GAS2: variants seen among roughly 807,000 people sequenced by gnomAD.
GAS2 encodes the protein growth arrest-specific protein 2.
GAS2 carries 20 observed loss-of-function variants against 37.5 expected under a neutral mutation model. That is an observed-to-expected ratio of 0.53 (90% CI 0.37 to 0.77). The LOEUF (loss-of-function observed/expected upper bound fraction) is 0.77, where lower values mean the gene tolerates loss of function less well. Ranked by LOEUF, GAS2 falls within the 30% of genes least tolerant of loss-of-function variation. GAS2 has a pLI of 0.00. For synonymous variants in GAS2, 144 were observed against 132.2 expected (o/e 1.09, Z -0.61); for missense variants, 336 against 373.4 (o/e 0.90, Z 0.82).
intron 2 of GAS2, among the ~76,000 whole-genome samples, chr11:22,680,557 A>C (rs1849631548): frequency 6.6e-6 from 1 of 152,170 alleles, no homozygotes. Context: ...TAGTATCTGG[A>C]TCATCTTTAG....
At chr11:22,712,573 TC>T (rs1851460333) in intron 3 of GAS2, among the ~76,000 whole-genome samples, 1 of 152,142 alleles carries the variant, frequency 6.6e-6, no homozygotes, top group Non-Finnish European at 1.5e-5. Flanking sequence ...TCCAGATATT[TC>T]CAATGAAACA....
intron 1 of GAS2, among the ~76,000 whole-genome samples, chr11:22,673,848 G>C (rs1849302793): frequency 6.6e-6 from 1 of 152,168 alleles, no homozygotes; most frequent in East Asian, 1.9e-4. Flanking sequence ...CTCACAATAT[G>C]ATCAGGTTAA....
Position 22,758,923 on chromosome 11 carries a change from A to AAAAAAAAAAAAG in GAS2, c.723+2974_723+2975insAAAAAAAGAAAA, listed in dbSNP as rs1392315841. 2.7e-4 allele frequency among the ~76,000 whole-genome samples: 41 copies of AAAAAAAAAAAAG among 150,804 alleles called. 1 individual carries two copies. In the East Asian group the frequency reaches 7.6e-3, roughly 28 times the overall value. ...AGCAAAACTCCGTCTCAAAAAAAAA[A>AAAAAAAAAAAAG]AAAAGAGAAAGTCATAGATACAAGA... On this transcript the variant is annotated intron_variant, in intron 7 of 7. Coordinates refer to ENST00000454584, the MANE Select transcript of GAS2 (RefSeq NM_001143830.3).
At chr11:22,638,493 T>G (rs2133814425) in intron 1 of GAS2, among the ~76,000 whole-genome samples, 1 of 151,896 alleles carries the variant, frequency 6.6e-6, no homozygotes, top group East Asian at 1.9e-4. Context: ...TTACAGGCAC[T>G]TGGCACCACA....
chr11:22,813,042 T>A (rs1857258358), downstream of GAS2: 1 of 152,604 alleles, frequency 6.6e-6, no homozygotes. Flanking sequence ...ATCAAGTTAA[T>A]TTTCAAATGG....
intron 7 of GAS2, among the ~76,000 whole-genome samples, chr11:22,764,506 G>T (rs1200616327): frequency 2.0e-5 from 3 of 149,064 alleles, no homozygotes; most frequent in African/African-American, 7.4e-5. Flanking sequence ...CTTGCAGTGA[G>T]TGGGGAGATC....
At chr11:22,754,568 G>A (rs900036271) in intron 6 of GAS2, among the ~76,000 whole-genome samples, 1 of 151,538 alleles carries the variant, frequency 6.6e-6, no homozygotes, top group African/African-American at 2.4e-5. Context: ...TTGTACATGC[G>A]ATAAATTTAT....
At chr11:22,785,125 G>A (rs1175613414) in intron 7 of GAS2, among the ~76,000 whole-genome samples, 1 of 152,074 alleles carries the variant, frequency 6.6e-6, no homozygotes, top group East Asian at 1.9e-4. Context: ...AGTCGTGGAT[G>A]TTTTGTCATC....
At chr11:22,638,712 G>A (rs1327289706) in intron 1 of GAS2, among the ~76,000 whole-genome samples, 1 of 152,100 alleles carries the variant, frequency 6.6e-6, no homozygotes, top group Non-Finnish European at 1.5e-5. Context: ...ATGAAAACAA[G>A]TTATTCTGAT....
chr11:22,685,801 C>T lies in GAS2; in HGVS notation c.267+12C>T. On this transcript the variant is annotated intron_variant, in intron 3 of 7. Transcript: ENST00000454584. ...ACAAGCCCACAAAGGTAAAAGATCC[C>T]AATGCAAAAATCACTCTTAGGTGGT... 2 of 1,602,706 alleles carry T rather than the reference C, an allele frequency of 1.2e-6. No individual in the cohort carries two copies. Among genetic ancestry groups the T allele is most frequent in the Non-Finnish European group, 8.5e-7 (1 of 1,176,248 alleles).
At chr11:22,641,326 A>ATATATCTT (rs1848627204) in intron 1 of GAS2, among the ~76,000 whole-genome samples, 2 of 82,038 alleles carry the variant, frequency 2.4e-5, no homozygotes, top group African/African-American at 3.5e-5. Flanking sequence ...ATATATCTTT[A>ATATATCTT]TATATATATT....
chr11:22,718,735 A>T (rs1310459075), intron 3 of GAS2, among the ~76,000 whole-genome samples: 1 of 152,004 alleles, frequency 6.6e-6, no homozygotes, highest in Non-Finnish European at 1.5e-5. Flanking sequence ...TTCTATTTAA[A>T]TTTTTTAGAT....
At chr11:22,763,409 A>C (rs1306631049) in intron 7 of GAS2, among the ~76,000 whole-genome samples, 1 of 152,140 alleles carries the variant, frequency 6.6e-6, no homozygotes, top group Admixed American at 6.5e-5. Context: ...CTTATGGCAC[A>C]TACTGATTTA....
At chr11:22,700,902 C>T (rs780717175) in intron 3 of GAS2, among the ~76,000 whole-genome samples, 60 of 152,076 alleles carry the variant, frequency 3.9e-4, no homozygotes, top group Non-Finnish European at 1.2e-4. Flanking sequence ...CTGTGTCTTT[C>T]GATTACTAGA....
intron 7 of GAS2, among the ~76,000 whole-genome samples, chr11:22,788,682 G>C (rs1855940398): frequency 6.6e-6 from 1 of 152,146 alleles, no homozygotes; most frequent in South Asian, 2.1e-4. Context: ...GCAAATTCAA[G>C]CTATTTAATT....
At chr11:22,804,140 T>C (rs1856788356) in intron 7 of GAS2, among the ~76,000 whole-genome samples, 1 of 152,118 alleles carries the variant, frequency 6.6e-6, no homozygotes, top group Admixed American at 6.6e-5. Flanking sequence ...GCTAGAGTTA[T>C]AATTTGGGAA....
intron 5 of GAS2, among the ~76,000 whole-genome samples, chr11:22,741,032 C>T (rs936386202): frequency 3.9e-5 from 6 of 152,102 alleles, no homozygotes; most frequent in African/African-American, 1.4e-4. Context: ...ATTACATAAA[C>T]ATAATTTTAA....
chr11:22,754,853 G>A (rs775153967), intron 6 of GAS2, among the ~76,000 whole-genome samples: 7 of 152,074 alleles, frequency 4.6e-5, no homozygotes, highest in Non-Finnish European at 8.8e-5. Context: ...GGAAGAATTC[G>A]GGTGAGGAAA....
intron 3 of GAS2, among the ~76,000 whole-genome samples, chr11:22,715,089 A>G (rs932101761): frequency 2.6e-5 from 4 of 152,224 alleles, no homozygotes; most frequent in Non-Finnish European, 5.9e-5. Context: ...TGTTCTTTGA[A>G]AGGATAAACA....
Sources: allele counts gnomAD v4.1 joint callset (sites outside exome capture counted in the v4.1 genomes callset), GRCh38; gene constraint gnomAD v4.1.1; transcripts MANE v1.5; gene names NCBI Gene and HGNC (gene_info 2026-07-23, HGNC 2026-07-21).